AUH: variants seen among roughly 807,000 people sequenced by gnomAD.
The protein encoded by AUH is AU RNA binding methylglutaconyl-CoA hydratase, also known as methylglutaconyl-CoA hydratase, mitochondrial.
In AUH, 29 loss-of-function variants were observed where a neutral mutation model predicts 42.3. The observed-to-expected ratio is 0.69, with a 90% CI of 0.51 to 0.93. The LOEUF is 0.93. Ranked by LOEUF, AUH falls within the 40% of genes least tolerant of loss-of-function variation. The pLI, the probability that AUH is intolerant of heterozygous loss-of-function variation, is 0.00. For synonymous variants in AUH, 174 were observed against 166.4 expected, an observed-to-expected ratio of 1.05 and a Z score of -0.35; for missense variants, 452 against 438.1, an observed-to-expected ratio of 1.03 and a Z score of -0.28.
intron 3 of AUH, among the ~76,000 whole-genome samples, chr9:91,343,840 A>C (rs367887503): frequency 2.6e-5 from 4 of 152,344 alleles, no homozygotes; most frequent in African/African-American, 9.6e-5. Context: ...AACTTAGATA[A>C]AACACAAATT....
intron 4 of AUH, among the ~76,000 whole-genome samples, chr9:91,314,025 T>C (rs1233894951): frequency 2.0e-5 from 3 of 151,950 alleles, no homozygotes; most frequent in African/African-American, 4.8e-5. Flanking sequence ...GGGTTCACCA[T>C]GTTGGCAAGG....
intron 6 of AUH, among the ~76,000 whole-genome samples, chr9:91,236,752 A>G (rs964892494): frequency 1.8e-4 from 28 of 152,234 alleles, no homozygotes; most frequent in Non-Finnish European, 1.5e-5. Context: ...GGACAGTATG[A>G]GACAATGTAT....
chr9:91,293,882 T>C (rs1827109543), intron 6 of AUH, among the ~76,000 whole-genome samples: 1 of 152,196 alleles, frequency 6.6e-6, no homozygotes. Flanking sequence ...ACAGACTGAC[T>C]CCCTTGTTAG....
intron 6 of AUH, among the ~76,000 whole-genome samples, chr9:91,225,532 C>T (rs1827394306): frequency 1.3e-5 from 2 of 151,850 alleles, no homozygotes; most frequent in African/African-American, 2.4e-5. Context: ...TCCTAAAGTG[C>T]CAGTTCTTTT....
intron 6 of AUH, among the ~76,000 whole-genome samples, chr9:91,279,860 G>C (rs562064156): frequency 6.6e-6 from 1 of 152,328 alleles, no homozygotes; most frequent in East Asian, 1.9e-4. Flanking sequence ...GACATGGCTA[G>C]TCATCAGATG....
In AUH at chr9:91,220,891, A is replaced by G; in HGVS notation, c.757T>C (p.Leu253=). The stretch of plus-strand genomic sequence containing the variant: ...TTCTGTTCCAGAACGTGGCTGATTA[A>G]GCCCACTGCTTTGGCTTCTTTGCCA... ...LDGKEAKAVG[L]ISHVLEQNQE... The change falls in exon 7 of 10, where the codon TTA becomes CTA. Residue 253 remains leucine (L), a synonymous_variant. Transcript: ENST00000375731. The G allele has an allele frequency of 1.9e-6, 3 of 1,614,246 alleles. No homozygotes were observed. Among genetic ancestry groups the G allele is most frequent in the South Asian group, 2.2e-5 (2 of 91,082 alleles).
intron 6 of AUH, among the ~76,000 whole-genome samples, chr9:91,275,195 G>C (rs1349228084): frequency 1.3e-5 from 2 of 152,178 alleles, no homozygotes; most frequent in African/African-American, 4.8e-5. Flanking sequence ...GATTAGGACA[G>C]AAACACAGAG....
At chr9:91,311,811 A>G (rs1484775689) in intron 4 of AUH, among the ~76,000 whole-genome samples, 1 of 152,238 alleles carries the variant, frequency 6.6e-6, no homozygotes, top group Non-Finnish European at 1.5e-5. Context: ...AAGAAACAAC[A>G]GCTGTTAATA....
intron 6 of AUH, among the ~76,000 whole-genome samples, chr9:91,293,208 C>G (rs1312547771): frequency 6.6e-6 from 1 of 151,916 alleles, no homozygotes. Context: ...CCAGTGACTT[C>G]TGCAGTGTTC....
chr9:91,274,617 A>G (rs1825403574), intron 6 of AUH, among the ~76,000 whole-genome samples: 2 of 152,220 alleles, frequency 1.3e-5, no homozygotes, highest in South Asian at 2.1e-4. Flanking sequence ...GAGAAAGTAA[A>G]TATCAGATTG....
At chr9:91,360,435 C>G (rs1832761215) in intron 1 of AUH, 2 of 152,240 alleles carry the variant, frequency 1.3e-5, no homozygotes, top group African/African-American at 4.8e-5. Flanking sequence ...ATGTTCTTGT[C>G]TCTGTCTGGA....
intron 6 of AUH, among the ~76,000 whole-genome samples, chr9:91,271,305 T>G (rs1361033753): frequency 2.0e-4 from 30 of 152,248 alleles, no homozygotes; most frequent in Non-Finnish European, 2.2e-4. Flanking sequence ...TATGTGCATT[T>G]GCTTGCAGAG....
At chr9:91,347,368 T>C (rs1221458704) in intron 3 of AUH, among the ~76,000 whole-genome samples, 1 of 152,150 alleles carries the variant, frequency 6.6e-6, no homozygotes, top group African/African-American at 2.4e-5. Context: ...TGAACCCCGC[T>C]GTTTAAGGGT....
chr9:91,246,401 C>T (rs1374417907), intron 6 of AUH, among the ~76,000 whole-genome samples: 1 of 152,228 alleles, frequency 6.6e-6, no homozygotes, highest in Non-Finnish European at 1.5e-5. Context: ...CAAAGGCACA[C>T]ACATGGCATC....
chr9:91,318,218 G>A (rs1332149040), intron 4 of AUH, among the ~76,000 whole-genome samples: 2 of 151,974 alleles, frequency 1.3e-5, no homozygotes, highest in Admixed American at 1.3e-4. Context: ...AAAAAACTGG[G>A]TCTGGTGCTT....
chr9:91,214,271 G>A lies in AUH; in HGVS notation c.*77C>T. On this transcript the variant is annotated 3_prime_UTR_variant, in exon 10 of 10. Transcript: ENST00000375731. Reference sequence around the variant, plus strand: ...TTTGGTCATTAAGGTTCCATGTGCTGAGGCATATAGTGGATCCGAAAGACA... The same window carrying A: ...TTTGGTCATTAAGGTTCCATGTGCTAAGGCATATAGTGGATCCGAAAGACA... 1.6e-6 allele frequency: 2 copies of A among 1,235,560 alleles called. No homozygotes were observed. Among genetic ancestry groups the A allele is most frequent in the African/African-American group, 3.0e-5 (2 of 67,084 alleles). 76.5% of individuals were successfully genotyped at this position (1,235,560 alleles called of 1,614,324 possible). A position where few individuals can be genotyped will look rare whatever the true frequency, so the allele number is the denominator to read the frequency against.
intron 3 of AUH, among the ~76,000 whole-genome samples, chr9:91,329,419 G>A (rs1470566805): frequency 1.3e-5 from 2 of 152,062 alleles, no homozygotes; most frequent in African/African-American, 4.8e-5. Context: ...ACAATTGTCT[G>A]TCTTTTTTAT....
chr9:91,239,912 G>A (rs766084388), intron 6 of AUH, among the ~76,000 whole-genome samples: 7 of 152,122 alleles, frequency 4.6e-5, no homozygotes, highest in Non-Finnish European at 8.8e-5. Flanking sequence ...GGGAAGGAAG[G>A]CTGGACAGCA....
chr9:91,246,952 T>C (rs1464838218), intron 6 of AUH, among the ~76,000 whole-genome samples: 5 of 152,246 alleles, frequency 3.3e-5, no homozygotes, highest in South Asian at 4.1e-4. Context: ...ATGCCAGCAA[T>C]GCCTTCCCAG....
Sources: allele counts gnomAD v4.1 joint callset (sites outside exome capture counted in the v4.1 genomes callset), GRCh38; gene constraint gnomAD v4.1.1; transcripts MANE v1.5; gene names NCBI Gene and HGNC (gene_info 2026-07-23, HGNC 2026-07-21).